The following DTNB variants were observed in gnomAD, a reference collection of about 807,000 sequenced individuals.
DTNB encodes the protein dystrobrevin beta, also known as DTN-B.
In DTNB, 63 loss-of-function variants were observed where a neutral mutation model predicts 90.7. The ratio of observed to expected loss-of-function variants is 0.69; its 90% confidence interval spans 0.57 to 0.86. The LOEUF (loss-of-function observed/expected upper bound fraction) is 0.86, where lower values mean the gene tolerates loss of function less well. Among genes scored for constraint, DTNB ranks in the 40% least tolerant of loss-of-function variants. The pLI is 0.00. For synonymous variants in DTNB, 277 were observed against 286.7 expected (o/e 0.97, Z 0.34); for missense variants, 744 against 807.1 (o/e 0.92, Z 0.95).
chr2:25,576,698 TC>T (rs1463012744), intron 8 of DTNB, 139 bp downstream of exon 8: 18 of 1,086,496 alleles, frequency 1.7e-5, no homozygotes, highest in Non-Finnish European at 2.1e-5. Flanking sequence ...ATTTTTGCAA[TC>T]CTGGCATAAA....
intron 1 of DTNB, among the ~76,000 whole-genome samples, chr2:25,655,552 G>A (rs1208713576): frequency 1.3e-5 from 2 of 152,134 alleles, no homozygotes; most frequent in Non-Finnish European, 1.5e-5. Flanking sequence ...CTGTTGATAT[G>A]GGCCACTCTT....
chr2:25,402,595 G>A (rs1171722016), intron 16 of DTNB, among the ~76,000 whole-genome samples: 1 of 152,178 alleles, frequency 6.6e-6, no homozygotes, highest in Non-Finnish European at 1.5e-5. Context: ...TTATGTGTCT[G>A]TTGGAAGGAT....
intron 5 of DTNB, among the ~76,000 whole-genome samples, chr2:25,604,102 G>A (rs2066508468): frequency 6.6e-6 from 1 of 152,112 alleles, no homozygotes; most frequent in Non-Finnish European, 1.5e-5. Flanking sequence ...TCAGAAGCAA[G>A]GAGAGATTTC....
intron 8 of DTNB, among the ~76,000 whole-genome samples, chr2:25,559,766 T>C (rs913549821): frequency 1.1e-4 from 17 of 152,202 alleles, no homozygotes; most frequent in African/African-American, 4.1e-4. Flanking sequence ...CTGGATTACC[T>C]GGTTGGGCCC....
At chr2:25,577,292 C>T (rs1222643472) in intron 7 of DTNB, among the ~76,000 whole-genome samples, 1 of 151,976 alleles carries the variant, frequency 6.6e-6, no homozygotes. Flanking sequence ...AAAAAATTGG[C>T]TGCGCATGAT....
chr2:25,438,424 AC>A (rs1299948843), intron 12 of DTNB, among the ~76,000 whole-genome samples: 1 of 152,224 alleles, frequency 6.6e-6, no homozygotes, highest in East Asian at 1.9e-4. Context: ...CATGGGTTGG[AC>A]AAGCTTGGTC....
At chr2:25,478,478 C>A (rs1163523720) in intron 10 of DTNB, among the ~76,000 whole-genome samples, 1 of 152,068 alleles carries the variant, frequency 6.6e-6, no homozygotes, top group Admixed American at 6.6e-5. Flanking sequence ...CCATGGTCTG[C>A]TAACAGTCTC....
At chr2:25,493,230 T>C (rs2067972830) in intron 9 of DTNB, among the ~76,000 whole-genome samples, 1 of 152,238 alleles carries the variant, frequency 6.6e-6, no homozygotes, top group African/African-American at 2.4e-5. Flanking sequence ...CGACTTCTTT[T>C]TTTGTATTCC....
intron 9 of DTNB, among the ~76,000 whole-genome samples, chr2:25,503,153 G>A (rs1241434403): frequency 7.0e-6 from 1 of 143,628 alleles, no homozygotes; most frequent in African/African-American, 2.6e-5. Flanking sequence ...ATTTGCCGAT[G>A]ACATGATCTC....
At chr2:25,441,519 G>A (rs2057387000) in intron 12 of DTNB, among the ~76,000 whole-genome samples, 1 of 152,200 alleles carries the variant, frequency 6.6e-6, no homozygotes, top group Non-Finnish European at 1.5e-5. Flanking sequence ...GCGATGTCAT[G>A]TGATGCACGA....
intron 8 of DTNB, among the ~76,000 whole-genome samples, chr2:25,575,416 C>T (rs2060511957): frequency 6.6e-6 from 1 of 151,778 alleles, no homozygotes; most frequent in Non-Finnish European, 1.5e-5. Context: ...TGGCTCTTCA[C>T]AACCACCACC....
chr2:25,636,321 C>G (rs972568566), intron 3 of DTNB, among the ~76,000 whole-genome samples: 3 of 152,110 alleles, frequency 2.0e-5, no homozygotes, highest in African/African-American at 7.2e-5. Context: ...TACTACTTAT[C>G]CTGTACAGTC....
intron 3 of DTNB, among the ~76,000 whole-genome samples, chr2:25,636,633 AATC>A (rs1385932329): frequency 6.6e-6 from 1 of 152,200 alleles, no homozygotes; most frequent in Non-Finnish European, 1.5e-5. Context: ...AATATATTTA[AATC>A]ATCACAGAAA....
chr2:25,549,446 A>T (rs2083133197), intron 8 of DTNB, among the ~76,000 whole-genome samples: 1 of 152,148 alleles, frequency 6.6e-6, no homozygotes, highest in African/African-American at 2.4e-5. Flanking sequence ...ATGCATACTT[A>T]AAATAATATT....
At chr2:25,523,460 C>T (rs2076510356) in intron 9 of DTNB, among the ~76,000 whole-genome samples, 1 of 151,916 alleles carries the variant, frequency 6.6e-6, no homozygotes, top group Admixed American at 6.6e-5. Context: ...GCCAACACGG[C>T]GAAACCCCAT....
intron 8 of DTNB, among the ~76,000 whole-genome samples, chr2:25,533,940 T>TTTTA (rs374077335): frequency 0.025 from 3,852 of 151,246 alleles, 62 homozygotes; most frequent in East Asian, 0.053. Flanking sequence ...TTATTTTTAT[T>TTTTA]TTTATTTATT....
Position 25,629,716 on chromosome 2 carries a change from A to G in DTNB, c.149-1332T>C, listed in dbSNP as rs117652700. On this transcript the variant is annotated intron_variant, in intron 3 of 20. Transcript: ENST00000406818. ...ATTTGGAAAAATCAAATACCCTTTC[A>G]TAATAAAAACACAACAAACTAAAAA... 9.0e-4 allele frequency among the ~76,000 whole-genome samples: 137 copies of G among 152,316 alleles called. No individual in the cohort carries two copies. In the East Asian group the frequency reaches 0.024, roughly 27 times the overall value.
chr2:25,654,776 G>C (rs2081724791), intron 1 of DTNB, among the ~76,000 whole-genome samples: 1 of 152,198 alleles, frequency 6.6e-6, no homozygotes, highest in African/African-American at 2.4e-5. Context: ...TCAAACACTA[G>C]CTCCAACACT....
intron 9 of DTNB, among the ~76,000 whole-genome samples, chr2:25,501,419 G>A (rs1051014128): frequency 2.0e-5 from 3 of 152,044 alleles, no homozygotes; most frequent in African/African-American, 7.2e-5. Context: ...TCGCTCTGTC[G>A]CCCAGGCTAG....
Sources: gnomAD v4.1 joint callset for allele counts (sites outside exome capture counted in the v4.1 genomes callset) on GRCh38, gnomAD v4.1.1 for gene constraint, MANE v1.5 for transcripts, NCBI Gene and HGNC (gene_info 2026-07-23, HGNC 2026-07-21) for gene names.